KCNH7: variants seen among roughly 807,000 people sequenced by gnomAD.
The protein encoded by KCNH7 is voltage-gated inwardly rectifying potassium channel KCNH7.
In KCNH7, 49 loss-of-function variants were observed where a neutral mutation model predicts 120.8. The observed-to-expected ratio is 0.41, with a 90% CI of 0.32 to 0.51. KCNH7 has a LOEUF of 0.51. KCNH7 is among the 20% of genes least tolerant of loss of function. The probability of loss-of-function intolerance (pLI) is 0.38; values close to 1 mark genes in which losing one functional copy is unlikely to be tolerated. For missense variants in KCNH7, 1,097 were observed against 1,446.6 expected (o/e 0.76, Z 3.92); for synonymous variants, 547 against 516.1 (o/e 1.06, Z -0.81).
At chr2:162,418,544 A>G (rs1054047475) in intron 9 of KCNH7, among the ~76,000 whole-genome samples, 3 of 152,190 alleles carry the variant, frequency 2.0e-5, no homozygotes, top group African/African-American at 4.8e-5. Flanking sequence ...TAACTGAAAG[A>G]GTTCACCATT....
At chr2:162,833,762 C>T (rs765692576) in intron 2 of KCNH7, among the ~76,000 whole-genome samples, 2 of 152,042 alleles carry the variant, frequency 1.3e-5, no homozygotes, top group African/African-American at 4.8e-5. Flanking sequence ...GCATAGATCA[C>T]GGGTTTAAAT....
chr2:162,470,028 G>A (rs948462649), intron 6 of KCNH7, among the ~76,000 whole-genome samples: 2 of 152,216 alleles, frequency 1.3e-5, no homozygotes, highest in Non-Finnish European at 2.9e-5. Context: ...GCCCAGGCTG[G>A]AGTGCAGTGG....
At chr2:162,685,110 G>T (rs537634390) in intron 2 of KCNH7, among the ~76,000 whole-genome samples, 1 of 151,974 alleles carries the variant, frequency 6.6e-6, no homozygotes, top group African/African-American at 2.4e-5. Context: ...AAAACCAAAC[G>T]CCACATATTC....
intron 2 of KCNH7, among the ~76,000 whole-genome samples, chr2:162,591,304 ACT>A (rs1272639295): frequency 6.6e-6 from 1 of 151,068 alleles, no homozygotes; most frequent in African/African-American, 2.4e-5. Context: ...CAGTGCACAG[ACT>A]CTCCTTCACA....
At chr2:162,759,941 T>G (rs1688911531) in intron 2 of KCNH7, among the ~76,000 whole-genome samples, 1 of 152,064 alleles carries the variant, frequency 6.6e-6, no homozygotes, top group Non-Finnish European at 1.5e-5. Context: ...ATTCAAAAGA[T>G]ACAAAGTCCT....
chr2:162,775,192 T>G (rs1683189311), intron 2 of KCNH7, among the ~76,000 whole-genome samples: 1 of 152,172 alleles, frequency 6.6e-6, no homozygotes, highest in African/African-American at 2.4e-5. Flanking sequence ...AAAAATGAAC[T>G]AGTTTAGTAA....
At chr2:162,711,159 A>C (rs1686916113) in intron 2 of KCNH7, among the ~76,000 whole-genome samples, 1 of 152,246 alleles carries the variant, frequency 6.6e-6, no homozygotes, top group Admixed American at 6.5e-5. Flanking sequence ...TTAAGGGGAA[A>C]TGTAGATTAC....
intron 2 of KCNH7, among the ~76,000 whole-genome samples, chr2:162,731,332 T>A (rs2105392253): frequency 6.7e-6 from 1 of 150,310 alleles, no homozygotes; most frequent in South Asian, 2.1e-4. Context: ...CACAAAAAAA[T>A]TTTTGCACAT....
chr2:162,392,686 A>G (rs1452485238), intron 12 of KCNH7, among the ~76,000 whole-genome samples: 1 of 152,000 alleles, frequency 6.6e-6, no homozygotes, highest in Non-Finnish European at 1.5e-5. Flanking sequence ...AATGATGCAA[A>G]TAAACCCAGA....
At chr2:162,422,129 T>G (rs1687725747) in intron 9 of KCNH7, among the ~76,000 whole-genome samples, 1 of 152,184 alleles carries the variant, frequency 6.6e-6, no homozygotes, top group Admixed American at 6.5e-5. Context: ...GTGAAAAGTG[T>G]TCATTTGATT....
chr2:162,402,744 T>C (rs900924624), intron 9 of KCNH7, among the ~76,000 whole-genome samples: 34 of 151,908 alleles, frequency 2.2e-4, no homozygotes, highest in African/African-American at 7.7e-4. Flanking sequence ...TCTGGCATTT[T>C]CCCTTAAGTA....
intron 2 of KCNH7, among the ~76,000 whole-genome samples, chr2:162,752,727 C>A (rs1437290154): frequency 2.0e-5 from 3 of 151,002 alleles, no homozygotes; most frequent in Non-Finnish European, 2.9e-5. Context: ...GGTGAAACCC[C>A]ATCTCTACTA....
At chr2:162,559,326 A>G (rs1028994452) in intron 2 of KCNH7, among the ~76,000 whole-genome samples, 86 of 152,312 alleles carry the variant, frequency 5.6e-4, no homozygotes, top group African/African-American at 2.0e-3. Flanking sequence ...AAGAGCTCTT[A>G]TCAAAGAATT....
At chr2:162,675,133 AT>A (rs1375813599) in intron 2 of KCNH7, among the ~76,000 whole-genome samples, 1 of 151,636 alleles carries the variant, frequency 6.6e-6, no homozygotes, top group African/African-American at 2.4e-5. Context: ...AAGATATATT[AT>A]GTTCTGGTTC....
chr2:162,518,465 TC>T (rs1262356502), intron 3 of KCNH7, among the ~76,000 whole-genome samples: 1 of 151,806 alleles, frequency 6.6e-6, no homozygotes, highest in Non-Finnish European at 1.5e-5. Flanking sequence ...CCACTATACA[TC>T]CACTTTTCTA....
intron 2 of KCNH7, among the ~76,000 whole-genome samples, chr2:162,779,133 G>C (rs1048482366): frequency 6.6e-6 from 1 of 152,010 alleles, no homozygotes; most frequent in Non-Finnish European, 1.5e-5. Context: ...AAAGTTGTAG[G>C]AGAGCTTTCA....
chr2:162,414,835 G>T (rs372982007), intron 9 of KCNH7, among the ~76,000 whole-genome samples: 4 of 151,980 alleles, frequency 2.6e-5, no homozygotes, highest in African/African-American at 9.7e-5. Flanking sequence ...TTGTGTATAT[G>T]AGAAGGCAAA....
intron 2 of KCNH7, among the ~76,000 whole-genome samples, chr2:162,731,106 T>C (rs1055328489): frequency 3.3e-5 from 5 of 151,484 alleles, no homozygotes; most frequent in Non-Finnish European, 5.9e-5. Context: ...GAAACATCTC[T>C]ATCAGAAAAA....
chr2:162,401,857 C>T (rs772373638), intron 9 of KCNH7, among the ~76,000 whole-genome samples: 10 of 151,866 alleles, frequency 6.6e-5, no homozygotes, highest in Non-Finnish European at 1.0e-4. Flanking sequence ...CTTCACCAAT[C>T]TGTGTTTCTC....
Sources: gnomAD v4.1 joint callset for allele counts (sites outside exome capture counted in the v4.1 genomes callset) on GRCh38, gnomAD v4.1.1 for gene constraint, MANE v1.5 for transcripts, NCBI Gene and HGNC (gene_info 2026-07-23, HGNC 2026-07-21) for gene names.